XIRP2: variants seen among roughly 807,000 people sequenced by gnomAD.
The protein encoded by XIRP2 is xin actin binding repeat containing 2.
Under a neutral mutation model 277.0 loss-of-function variants are expected in XIRP2, and 236 were observed. The observed-to-expected ratio is 0.85, with a 90% CI of 0.77 to 0.95. XIRP2 has a LOEUF of 0.95. XIRP2 is among the 40% of genes least tolerant of loss of function. The probability of loss-of-function intolerance (pLI) is 0.00; values close to 1 mark genes in which losing one functional copy is unlikely to be tolerated. For missense variants in XIRP2, 4,640 were observed against 4,157.5 expected, an observed-to-expected ratio of 1.12 and a Z score of -3.19; for synonymous variants, 1,490 against 1,416.5, an observed-to-expected ratio of 1.05 and a Z score of -1.17.
intron 2 of XIRP2, among the ~76,000 whole-genome samples, chr2:166,926,496 G>A (rs947209891): frequency 2.0e-5 from 3 of 152,032 alleles, no homozygotes; most frequent in Admixed American, 6.6e-5. Context: ...CAAAAGAAAC[G>A]AGAGGTCATC....
At chr2:167,241,956 G>A in intron 8 of XIRP2, 46 bp downstream of exon 8, 1 of 1,517,696 alleles carries the variant, frequency 6.6e-7, no homozygotes, top group South Asian at 1.3e-5. Flanking sequence ...GTAAGACCAA[G>A]CTTAAATGTG....
At chr2:167,184,705 G>A (rs1693109201) in intron 3 of XIRP2, 6 of 694,622 alleles carry the variant, frequency 8.6e-6, no homozygotes, top group Non-Finnish European at 1.6e-5. Flanking sequence ...TATCTCTGAT[G>A]CCTTACATAT....
intron 2 of XIRP2, among the ~76,000 whole-genome samples, chr2:166,924,618 G>A (rs1372980897): frequency 6.6e-6 from 1 of 151,788 alleles, no homozygotes. Context: ...ACAGGTTGAA[G>A]ACTAGAATTG....
chr2:167,153,116 C>A (rs896765756), intron 3 of XIRP2, among the ~76,000 whole-genome samples: 2 of 152,006 alleles, frequency 1.3e-5, no homozygotes, highest in Non-Finnish European at 1.5e-5. Context: ...TTGAATGATT[C>A]AATTAATTGA....
chr2:167,040,492 A>G (rs190158891), intron 2 of XIRP2, among the ~76,000 whole-genome samples: 92 of 152,274 alleles, frequency 6.0e-4, no homozygotes, highest in African/African-American at 1.9e-3. Flanking sequence ...CACAATGCCC[A>G]GGGACATTTG....
In XIRP2 at chr2:167,248,885, A is replaced by T; in HGVS notation, c.7493A>T (p.Asn2498Ile). The change falls in exon 9 of 11, where the codon AAC becomes ATC. Residue 2498 changes from asparagine (N) to isoleucine (I), a missense_variant. Transcript: ENST00000409195. ...AAACAATTATCTATTGACTCTGCAA[A>T]CTGTCTCTCACACACAGTTCCAGGA... ...ERKQLSIDSA[N>I]CLSHTVPGTS... 1.2e-6 allele frequency: 2 copies of T among 1,613,686 alleles called. No homozygotes were observed. The highest frequency in any genetic ancestry group is 1.7e-6 in the Non-Finnish European group (2 of 1,179,792).
chr2:167,188,918 T>G (rs765016190), intron 3 of XIRP2, among the ~76,000 whole-genome samples: 6 of 152,330 alleles, frequency 3.9e-5, no homozygotes, highest in Non-Finnish European at 8.8e-5. Flanking sequence ...GAGGCTTCAC[T>G]TGGGAAAATG....
intron 1 of XIRP2, among the ~76,000 whole-genome samples, chr2:166,900,436 A>G (rs1684352827): frequency 6.6e-6 from 1 of 151,984 alleles, no homozygotes; most frequent in African/African-American, 2.4e-5. Flanking sequence ...GCTACTTAAA[A>G]ATTCTTGTGA....
At chr2:167,188,069 C>T (rs16853181) in intron 3 of XIRP2, among the ~76,000 whole-genome samples, 12,302 of 152,170 alleles carry the variant, frequency 0.081, 543 homozygotes, top group South Asian at 0.15. Context: ...TGGAATAAGA[C>T]TAAAGAATCA....
At chr2:167,041,247 G>T (rs1688654766) in intron 2 of XIRP2, among the ~76,000 whole-genome samples, 1 of 152,122 alleles carries the variant, frequency 6.6e-6, no homozygotes, top group African/African-American at 2.4e-5. Context: ...CAAGAACCCT[G>T]GAAATTGTAA....
chr2:167,151,059 T>C (rs1692001081), intron 3 of XIRP2, among the ~76,000 whole-genome samples: 1 of 151,938 alleles, frequency 6.6e-6, no homozygotes, highest in Non-Finnish European at 1.5e-5. Flanking sequence ...GAGATTTAGC[T>C]CAATGTAGCA....
At chr2:167,184,982 C>T (rs1693115909) in intron 3 of XIRP2, among the ~76,000 whole-genome samples, 1 of 152,136 alleles carries the variant, frequency 6.6e-6, no homozygotes, top group African/African-American at 2.4e-5. Flanking sequence ...GTCTATCATG[C>T]ATCCATCCAT....
In XIRP2 at chr2:167,246,521, G is replaced by A. The variant is rs748864933; in HGVS notation, c.5129G>A (p.Gly1710Asp). 4.3e-6 allele frequency: 7 copies of A among 1,613,648 alleles called. No individual in the cohort carries two copies. Among genetic ancestry groups the A allele is most frequent in the Admixed American group, 3.3e-5 (2 of 59,974 alleles). ...GDTIEREEVI[G>D]GDVKRTIHNL... is the part of the protein sequence containing the mutation. ...ACAATTGAGCGTGAAGAAGTAATAG[G>A]TGGTGATGTCAAACGTACCATTCAT... The change falls in exon 9 of 11, where the codon GGT becomes GAT. Residue 1710 changes from glycine to aspartate, a missense_variant. Physicochemically the swap from Gly to Asp is moderately conservative, Grantham distance 94. Coordinates refer to ENST00000409195, the MANE Select transcript of XIRP2 (RefSeq NM_152381.6).
At chr2:167,118,040 T>A (rs1378129114) in intron 2 of XIRP2, among the ~76,000 whole-genome samples, 3 of 152,196 alleles carry the variant, frequency 2.0e-5, no homozygotes, top group Admixed American at 6.5e-5. Context: ...GGCTTTGGCA[T>A]ACATATTTGG....
rs560629846 is a variant in XIRP2 at position 167,176,233 on chromosome 2, G to A, written c.563-34502G>A. ...AGCTGCCCAGTTTCGTGCTTGAAAC[G>A]AAGGGCCTTCTCTTGGCCAGGGGAG... On this transcript the variant is annotated intron_variant, in intron 3 of 10. Coordinates refer to ENST00000409195, the MANE Select transcript of XIRP2 (RefSeq NM_152381.6). Among the ~76,000 whole-genome samples, 5 of 152,240 alleles carry A rather than the reference G, an allele frequency of 3.3e-5. No individual in the cohort carries two copies. In the South Asian group the frequency reaches 8.3e-4, roughly 25 times the overall value.
intron 2 of XIRP2, among the ~76,000 whole-genome samples, chr2:167,023,321 A>G (rs1459460470): frequency 1.3e-5 from 2 of 151,768 alleles, no homozygotes; most frequent in Non-Finnish European, 2.9e-5. Flanking sequence ...TTTCTTGTAA[A>G]TTTGTTTGAG....
chr2:166,954,596 CT>C (rs1268965146), intron 2 of XIRP2, among the ~76,000 whole-genome samples: 1 of 151,878 alleles, frequency 6.6e-6, no homozygotes, highest in Admixed American at 6.6e-5. Context: ...ATAAATCATT[CT>C]GTTATAAAGA....
chr2:167,241,902 C>A lies in XIRP2; in HGVS notation c.1168C>A (p.Gln390Lys). 6.2e-7 allele frequency: 1 copy of A among 1,612,080 alleles called. No homozygotes were observed. Among genetic ancestry groups the A allele is most frequent in the Admixed American group, 1.7e-5 (1 of 59,732 alleles). ...CAAAGAGATGACAACCCCAGCCAAGCAGATTAAGGTAAAGTCATTTCTTTA... is the reference window on the plus strand; with the variant it reads ...CAAAGAGATGACAACCCCAGCCAAGAAGATTAAGGTAAAGTCATTTCTTTA... ...SDKEMTTPAK[Q>K]IKTESEYEET... is the part of the protein sequence containing the mutation. The change falls in exon 8 of 11, where the codon CAG becomes AAG. Residue 390 changes from glutamine to lysine, a missense_variant. By Grantham distance (53) the Gln-to-Lys change is moderately conservative (BLOSUM62 1). Coordinates refer to ENST00000409195, the MANE Select transcript of XIRP2 (RefSeq NM_152381.6).
intron 2 of XIRP2, among the ~76,000 whole-genome samples, chr2:167,018,783 T>A (rs1042736276): frequency 6.6e-6 from 1 of 152,006 alleles, no homozygotes; most frequent in African/African-American, 2.4e-5. Flanking sequence ...AATTTAAAAT[T>A]TAGCTTAGTG....
Sources: allele counts gnomAD v4.1 joint callset (sites outside exome capture counted in the v4.1 genomes callset), GRCh38; gene constraint gnomAD v4.1.1; transcripts MANE v1.5; gene names NCBI Gene and HGNC (gene_info 2026-07-23, HGNC 2026-07-21).